The following HS6ST2 variants were observed in gnomAD, a reference collection of about 807,000 sequenced individuals.
HS6ST2 encodes the protein heparan sulfate 6-O-sulfotransferase 2, also known as heparan-sulfate 6-O-sulfotransferase 2.
Under a neutral mutation model 33.0 loss-of-function variants are expected in HS6ST2, and 17 were observed. The ratio of observed to expected loss-of-function variants is 0.52; its 90% confidence interval spans 0.35 to 0.77. HS6ST2 has a LOEUF of 0.77. HS6ST2 is among the 30% of genes least tolerant of loss of function. HS6ST2 has a pLI of 0.01. For missense variants in HS6ST2, 519 were observed against 551.7 expected (o/e 0.94, Z 0.59); for synonymous variants, 248 against 237.1 (o/e 1.05, Z -0.42).
chrX:132,810,431 GAGAGAAAGAGAGAGAC>G, intron 2 of HS6ST2, among the ~76,000 whole-genome samples: 1 of 107,833 alleles, frequency 9.3e-6, no homozygotes, highest in Non-Finnish European at 1.9e-5. Context: ...GAAGGAAGGA[GAGAGAAAGAGAGAGAC>G]AGAAAGAGAG....
At chrX:132,958,879 A>G, upstream of HS6ST2, 1 of 331,536 alleles carries the variant, frequency 3.0e-6, no homozygotes, top group Non-Finnish European at 5.2e-6. Context: ...CTGAAAAGGT[A>G]AGTCAGCATG....
rs759247235 is a variant in HS6ST2, at chrX:132,772,211, TG to T, written c.948-63718del. On this transcript the variant is annotated intron_variant, in intron 2 of 4. Coordinates refer to ENST00000370833, the MANE Select transcript of HS6ST2 (RefSeq NM_001394073.1). ...AACACACACAAAATGTGGTTTCAAA[TG>T]TAACATGCTGGCACAGAAGCAGTTT... Among the ~76,000 whole-genome samples the T allele has an allele frequency of 5.9e-3, 657 of 111,643 alleles. 4 individuals are homozygous for T. The highest frequency in any genetic ancestry group is 0.02 in the African/African-American group (622 of 30,818).
At chrX:132,753,912 T>G (rs2064732948) in intron 2 of HS6ST2, among the ~76,000 whole-genome samples, 1 of 112,406 alleles carries the variant, frequency 8.9e-6, no homozygotes. Flanking sequence ...TACAATGAGT[T>G]CCCATAAGCC....
At chrX:132,948,247 T>G (rs1024511525) in intron 2 of HS6ST2, among the ~76,000 whole-genome samples, 1 of 111,806 alleles carries the variant, frequency 8.9e-6, no homozygotes, top group African/African-American at 3.2e-5. Flanking sequence ...TCAGAGTAAA[T>G]GAAGTGCAAA....
chrX:132,933,982 C>A (rs914768737), intron 2 of HS6ST2, among the ~76,000 whole-genome samples: 64 of 110,801 alleles, frequency 5.8e-4, no homozygotes, highest in African/African-American at 1.7e-3. Context: ...AAGAAAAATT[C>A]TCCGGCTGAA....
At chrX:132,802,715 T>C (rs143754679) in intron 2 of HS6ST2, among the ~76,000 whole-genome samples, 2 of 110,129 alleles carry the variant, frequency 1.8e-5, no homozygotes, top group African/African-American at 6.6e-5. Flanking sequence ...GTATTTTGCA[T>C]GCAAAAACAC....
At chrX:132,847,624 ACATCTGAACAT>A (rs2065764792) in intron 2 of HS6ST2, among the ~76,000 whole-genome samples, 1 of 111,767 alleles carries the variant, frequency 8.9e-6, no homozygotes, top group Admixed American at 9.5e-5. Context: ...TAGTGAGACC[ACATCTGAACAT>A]TGTTAAGAGG....
intron 2 of HS6ST2, among the ~76,000 whole-genome samples, chrX:132,768,998 T>C (rs899559716): frequency 7.1e-5 from 8 of 112,534 alleles, no homozygotes; most frequent in African/African-American, 2.6e-4. Flanking sequence ...AGCTTCTCTG[T>C]AATAACATTT....
At chrX:132,822,104 C>T (rs1417111532) in intron 2 of HS6ST2, among the ~76,000 whole-genome samples, 1 of 111,582 alleles carries the variant, frequency 9.0e-6, no homozygotes, top group Admixed American at 9.5e-5. Context: ...TTTTATTGTC[C>T]CTGTTAACAG....
In HS6ST2 at chrX:132,667,970, G is replaced by T. The variant is rs1000573750; in HGVS notation, c.1067+1143C>A. ...TGAGTTCTAACTGCTTGGAGATTTAGTTTTATGTCTTTAACACCGTTTTTT... is the reference window on the plus strand; with the variant it reads ...TGAGTTCTAACTGCTTGGAGATTTATTTTTATGTCTTTAACACCGTTTTTT... On this transcript the variant is annotated intron_variant, in intron 4 of 4. Coordinates refer to ENST00000370833, the MANE Select transcript of HS6ST2 (RefSeq NM_001394073.1). Among the ~76,000 whole-genome samples, 4 of 111,896 alleles carry T rather than the reference G, an allele frequency of 3.6e-5. No individual in the cohort carries two copies. In the Admixed American group the frequency reaches 3.8e-4, roughly 11 times the overall value.
chrX:132,860,780 T>A (rs1389902135), intron 2 of HS6ST2, among the ~76,000 whole-genome samples: 90 of 32,578 alleles, frequency 2.8e-3, no homozygotes, highest in African/African-American at 0.019. Flanking sequence ...TGTGTATCTT[T>A]TTTTTTTTTT....
At chrX:132,766,594 G>A (rs1370800644) in intron 2 of HS6ST2, among the ~76,000 whole-genome samples, 1 of 111,792 alleles carries the variant, frequency 8.9e-6, no homozygotes, top group Non-Finnish European at 1.9e-5. Context: ...AAAGACATAC[G>A]TGAGACTGGG....
At chrX:132,862,103 A>G (rs1383345973) in intron 2 of HS6ST2, among the ~76,000 whole-genome samples, 3 of 111,930 alleles carry the variant, frequency 2.7e-5, no homozygotes, top group Non-Finnish European at 5.6e-5. Flanking sequence ...GTTTTTCCCA[A>G]GTCATTAGTT....
chrX:132,782,342 T>C (rs184559204), intron 2 of HS6ST2, among the ~76,000 whole-genome samples: 1 of 111,843 alleles, frequency 8.9e-6, no homozygotes, highest in African/African-American at 3.2e-5. Context: ...GTCAGCGGCA[T>C]GGAAAACAGA....
chrX:132,627,380 A>G lies in HS6ST2; in HGVS notation c.*843T>C, dbSNP rs992858035. The G allele has an allele frequency of 8.9e-6, 1 of 112,613 alleles. No homozygotes were observed. Among genetic ancestry groups the G allele is most frequent in the Non-Finnish European group, 1.9e-5 (1 of 53,264 alleles). 9.3% of individuals were successfully genotyped at this position (112,613 alleles called of 1,213,427 possible). A position where few individuals can be genotyped will look rare whatever the true frequency, so the allele number is the denominator to read the frequency against. On this transcript the variant is annotated 3_prime_UTR_variant, in exon 5 of 5. Transcript: ENST00000370833. ...TCTATACATGGGTTAATTTGGAATGAGCACAATTCAGAGAAGCCTTAAAAT... is the reference window on the plus strand; with the variant it reads ...TCTATACATGGGTTAATTTGGAATGGGCACAATTCAGAGAAGCCTTAAAAT...
chrX:132,860,777 CTTTTTTTTT>C (rs58059164), intron 2 of HS6ST2, among the ~76,000 whole-genome samples: 1 of 52,896 alleles, frequency 1.9e-5, no homozygotes, highest in East Asian at 5.3e-4. Flanking sequence ...GCATGTGTAT[CTTTTTTTTT>C]TTTTTTTTTT....
At chrX:132,726,357 A>T (rs1459392874) in intron 2 of HS6ST2, among the ~76,000 whole-genome samples, 1 of 112,065 alleles carries the variant, frequency 8.9e-6, no homozygotes, top group African/African-American at 3.2e-5. Flanking sequence ...AAGTAAAGGA[A>T]TCTTTTCCTA....
At chrX:132,889,815 T>G (rs1256098754) in intron 2 of HS6ST2, among the ~76,000 whole-genome samples, 1 of 111,096 alleles carries the variant, frequency 9.0e-6, no homozygotes, top group Non-Finnish European at 1.9e-5. Context: ...ATCCTAAAAT[T>G]AGCCCACATA....
In HS6ST2 at chrX:132,628,568, G is replaced by A; in HGVS notation, c.1593C>T (p.Ala531=). Residue 531 remains alanine, a synonymous_variant, in exon 5 of 5, where the codon GCC becomes GCT. Transcript: ENST00000370833. ...GATACCTCTGCAAAAAAAGGTCTTT[G>A]GCATAGCTGTACAACTCCATATCCA... is the stretch of plus-strand genomic sequence containing the variant. ...NFLDMELYSY[A]KDLFLQRYQF... The A allele has an allele frequency of 8.3e-7, 1 of 1,210,929 alleles. No homozygotes were observed. The highest frequency in any genetic ancestry group is 1.1e-6 in the Non-Finnish European group (1 of 895,098).
Sources: gnomAD v4.1 joint callset for allele counts (sites outside exome capture counted in the v4.1 genomes callset) on GRCh38, gnomAD v4.1.1 for gene constraint, MANE v1.5 for transcripts, NCBI Gene and HGNC (gene_info 2026-07-23, HGNC 2026-07-21) for gene names.